DOCK10: variants seen among roughly 807,000 people sequenced by gnomAD.
DOCK10 encodes the protein dedicator of cytokinesis protein 10.
Under a neutral mutation model 280.1 loss-of-function variants are expected in DOCK10, and 145 were observed. The observed-to-expected ratio is 0.52, with a 90% CI of 0.45 to 0.59. The LOEUF (loss-of-function observed/expected upper bound fraction) is 0.59. DOCK10 is among the 20% of genes least tolerant of loss of function. The pLI, the probability that DOCK10 is intolerant of heterozygous loss-of-function variation, is 0.00. For missense variants in DOCK10, 2,368 were observed against 2,651.7 expected (o/e 0.89, Z 2.35); for synonymous variants, 915 against 942.2 (o/e 0.97, Z 0.53).
intron 1 of DOCK10, among the ~76,000 whole-genome samples, chr2:225,010,727 AAAAG>A (rs147038316): frequency 0.054 from 8,235 of 152,224 alleles, 729 homozygotes; most frequent in African/African-American, 0.19. Flanking sequence ...TAAAAGTTGA[AAAAG>A]AAATACAGAA....
At chr2:224,855,952 G>A (rs947858103) in intron 15 of DOCK10, among the ~76,000 whole-genome samples, 9 of 152,172 alleles carry the variant, frequency 5.9e-5, no homozygotes, top group Admixed American at 2.6e-4. Flanking sequence ...TTACTACATG[G>A]TAAGATTATC....
Position 224,770,913 on chromosome 2 carries a change from G to A in DOCK10, c.6205-268C>T, listed in dbSNP as rs1181680718. ...TTTTTTTTTTTTGTCATATCTGTAC[G>A]TTGCTTGAACTACTATTTTTTTCTT... On this transcript the variant is annotated intron_variant, in intron 53 of 55. Transcript: ENST00000258390. The surrounding 1 kb of genome is among the most constrained non-coding windows in gnomAD (Gnocchi z 4.5). 1.3e-5 allele frequency among the ~76,000 whole-genome samples: 2 copies of A among 151,076 alleles called. No homozygotes were observed. Among genetic ancestry groups the A allele is most frequent in the South Asian group, 2.1e-4 (1 of 4,752 alleles).
intron 52 of DOCK10, 38 bp from the exon 53 acceptor site, chr2:224,773,385 G>C: frequency 6.4e-7 from 1 of 1,564,984 alleles, no homozygotes; most frequent in Non-Finnish European, 8.7e-7. Context: ...CAAGGTTGAG[G>C]ATTAGTGAAG....
intron 30 of DOCK10, among the ~76,000 whole-genome samples, chr2:224,815,209 C>T (rs542653764): frequency 2.6e-5 from 4 of 152,260 alleles, no homozygotes; most frequent in East Asian, 1.9e-4. Context: ...TCTCTCCTGC[C>T]GCCATGTGAA....
At chr2:224,799,918 A>G (rs1692856444) in intron 41 of DOCK10, among the ~76,000 whole-genome samples, 2 of 152,228 alleles carry the variant, frequency 1.3e-5, no homozygotes, top group African/African-American at 4.8e-5. Context: ...ATGAGGAAGA[A>G]AGACTATTTG....
Position 224,770,590 on chromosome 2 carries a change from T to C in DOCK10, c.6260A>G (p.Lys2087Arg). ...CTTTACTTGGTTGTCAGGGTACTTC[T>C]TTGCATTGGTTTCTTCAAGAAAAGC... The part of the protein sequence containing the change: ...ARAFLEETNA[K>R]KYPDNQVKLL... The change falls in exon 54 of 56, where the codon AAG becomes AGG. Residue 2087 changes from lysine (K) to arginine (R), a missense_variant. This residue lies in a region of DOCK10 where 1,159 missense variants were observed against 1,400.8 expected (regional missense o/e 0.83). Transcript: ENST00000258390. This position sits in a 1 kb window ranked among gnomAD's most constrained non-coding sequence, Gnocchi z 4.5. The C allele has an allele frequency of 1.9e-6, 3 of 1,614,028 alleles. No homozygotes were observed. Among genetic ancestry groups the C allele is most frequent in the Non-Finnish European group, 2.5e-6 (3 of 1,179,882 alleles).
At chr2:224,921,110 AAAATATAT>A (rs1297619696) in intron 2 of DOCK10, among the ~76,000 whole-genome samples, 11 of 69,626 alleles carry the variant, frequency 1.6e-4, no homozygotes, top group African/African-American at 1.2e-3. Flanking sequence ...AAAAAAAAAA[AAAATATAT>A]ATATATATAT....
At chr2:224,961,124 G>A (rs1241544377) in intron 1 of DOCK10, among the ~76,000 whole-genome samples, 2 of 152,204 alleles carry the variant, frequency 1.3e-5, no homozygotes, top group East Asian at 3.8e-4. Flanking sequence ...GTCTGATCAA[G>A]TTATTCCCAA....
At chr2:224,963,740 A>G (rs541523941) in intron 1 of DOCK10, among the ~76,000 whole-genome samples, 2 of 152,350 alleles carry the variant, frequency 1.3e-5, no homozygotes, top group South Asian at 4.1e-4. Context: ...TTATATTAAG[A>G]ATGAAAGAAA....
intron 11 of DOCK10, among the ~76,000 whole-genome samples, chr2:224,871,196 A>T (rs1698259695): frequency 6.6e-6 from 1 of 152,116 alleles, no homozygotes; most frequent in Admixed American, 6.5e-5. Context: ...AACAAGTGAA[A>T]CATGTTCATA....
chr2:224,913,949 A>C (rs911083764), intron 3 of DOCK10, among the ~76,000 whole-genome samples: 2 of 152,012 alleles, frequency 1.3e-5, no homozygotes, highest in Non-Finnish European at 2.9e-5. Context: ...CATGTTAGCC[A>C]GATGGTCTCG....
chr2:224,921,112 A>AAAAAATAT, intron 2 of DOCK10, among the ~76,000 whole-genome samples: 3 of 54,416 alleles, frequency 5.5e-5, no homozygotes, highest in African/African-American at 4.7e-4. Context: ...AAAAAAAAAA[A>AAAAAATAT]ATATATATAT....
At chr2:224,942,624 C>T (rs927715397) in intron 1 of DOCK10, among the ~76,000 whole-genome samples, 32 of 152,178 alleles carry the variant, frequency 2.1e-4, no homozygotes, top group African/African-American at 7.7e-4. Flanking sequence ...AGGCTTCTCA[C>T]ATTAGCATGG....
chr2:224,902,452 A>C (rs1700352273), intron 3 of DOCK10, among the ~76,000 whole-genome samples: 1 of 152,206 alleles, frequency 6.6e-6, no homozygotes, highest in Non-Finnish European at 1.5e-5. Flanking sequence ...GCCGTTCTTT[A>C]TAAAGTTGAG....
intron 3 of DOCK10, among the ~76,000 whole-genome samples, chr2:224,915,959 C>G (rs774609212): frequency 5.9e-5 from 9 of 152,232 alleles, no homozygotes; most frequent in Admixed American, 4.6e-4. Context: ...GCGTTCCCAC[C>G]CAAATCTCAT....
At chr2:224,906,377 A>T (rs1402345915) in intron 3 of DOCK10, among the ~76,000 whole-genome samples, 1 of 152,122 alleles carries the variant, frequency 6.6e-6, no homozygotes, top group Non-Finnish European at 1.5e-5. Context: ...CTTCAATCTT[A>T]TTCCTTCCCA....
intron 1 of DOCK10, among the ~76,000 whole-genome samples, chr2:224,955,944 T>C (rs1400670541): frequency 6.6e-6 from 1 of 152,216 alleles, no homozygotes. Flanking sequence ...TCAAACATTG[T>C]TCGTGTCTGT....
intron 19 of DOCK10, 95 bp downstream of exon 19, chr2:224,849,412 G>A (rs1181597876): frequency 5.2e-6 from 4 of 775,764 alleles, no homozygotes; most frequent in Middle Eastern, 2.6e-4. Flanking sequence ...TTAGTCTGAT[G>A]AGGTCTAGAG....
intron 51 of DOCK10, 118 bp downstream of exon 51, chr2:224,778,020 A>G (rs1690997178): frequency 2.9e-6 from 3 of 1,049,050 alleles, no homozygotes; most frequent in South Asian, 1.8e-5. Flanking sequence ...CAAAACATCT[A>G]AAATCGTTTT....
Sources: allele counts gnomAD v4.1 joint callset (sites outside exome capture counted in the v4.1 genomes callset), GRCh38; gene constraint gnomAD v4.1.1; regional missense constraint gnomAD v4.1.1; non-coding constraint Gnocchi (gnomAD v3.1); transcripts MANE v1.5; gene names NCBI Gene and HGNC (gene_info 2026-07-23, HGNC 2026-07-21).